Variants in DCT observed in about 807,000 individuals in gnomAD.
DCT encodes the protein L-dopachrome tautomerase.
In DCT, 47 loss-of-function variants were observed where a neutral mutation model predicts 53.0. The ratio of observed to expected loss-of-function variants is 0.89; its 90% CI spans 0.70 to 1.13. DCT has a LOEUF of 1.13. DCT is among the 50% of genes most tolerant of loss of function. DCT has a pLI of 0.00. For synonymous variants in DCT, 244 were observed against 237.0 expected (o/e 1.03, Z -0.27); for missense variants, 669 against 637.4 (o/e 1.05, Z -0.53).
chr13:94,493,933 G>T, the DCT span, among the ~76,000 whole-genome samples: 1 of 152,214 alleles, frequency 6.6e-6, no homozygotes, highest in East Asian at 1.9e-4. Flanking sequence ...AAACAGTGGG[G>T]CAGTAAGAGG....
intron 6 of DCT, among the ~76,000 whole-genome samples, chr13:94,454,152 T>G (rs1883267537): frequency 6.6e-6 from 1 of 152,216 alleles, no homozygotes; most frequent in Non-Finnish European, 1.5e-5. Context: ...TATACACTGA[T>G]TAGTAATAAG....
At chr13:94,454,066 G>GTA (rs1440390793) in intron 6 of DCT, among the ~76,000 whole-genome samples, 5 of 152,134 alleles carry the variant, frequency 3.3e-5, no homozygotes, top group Admixed American at 6.5e-5. Context: ...TTAATTTATG[G>GTA]TAGTCCATCA....
At chr13:94,523,098 G>C in the DCT span, among the ~76,000 whole-genome samples, 1 of 152,162 alleles carries the variant, frequency 6.6e-6, no homozygotes, top group Non-Finnish European at 1.5e-5. Context: ...CAAGAATGTC[G>C]CAGTTTCTAC....
At chr13:94,495,485 G>T in the DCT span, among the ~76,000 whole-genome samples, 1 of 152,084 alleles carries the variant, frequency 6.6e-6, no homozygotes, top group African/African-American at 2.4e-5. Context: ...AAAGCAGAGC[G>T]CCCAAGACAT....
intron 4 of DCT, among the ~76,000 whole-genome samples, chr13:94,462,985 T>C (rs1309718940): frequency 6.6e-6 from 1 of 152,178 alleles, no homozygotes; most frequent in East Asian, 1.9e-4. Context: ...AAACACTGTG[T>C]TGGAAAATGT....
At chr13:94,520,908 G>A in the DCT span, among the ~76,000 whole-genome samples, 4 of 152,168 alleles carry the variant, frequency 2.6e-5, no homozygotes, top group African/African-American at 4.8e-5. Context: ...AGAATTATCC[G>A]TATCCATTTA....
At chr13:94,502,211 G>A in the DCT span, among the ~76,000 whole-genome samples, 662 of 87,056 alleles carry the variant, frequency 7.6e-3, 92 homozygotes, top group African/African-American at 0.039. Flanking sequence ...CTCTGCTGAG[G>A]GTGCCTTCAC....
At chr13:94,522,862 T>G in the DCT span, among the ~76,000 whole-genome samples, 3 of 152,216 alleles carry the variant, frequency 2.0e-5, no homozygotes, top group Admixed American at 6.5e-5. Flanking sequence ...AACTCAGGCC[T>G]TCTGAATTGA....
chr13:94,548,006 T>TATATATATATATATATA, the DCT span, among the ~76,000 whole-genome samples: 1 of 139,766 alleles, frequency 7.2e-6, no homozygotes, highest in African/African-American at 2.9e-5. Context: ...TATATATATC[T>TATATATATATATATATA]TCTCTGGGTG....
chr13:94,478,009 A>G (rs1594328390), intron 1 of DCT, among the ~76,000 whole-genome samples: 1 of 152,170 alleles, frequency 6.6e-6, no homozygotes, highest in Non-Finnish European at 1.5e-5. Flanking sequence ...AGCTAGAGGA[A>G]TGAGAAATGC....
the DCT span, among the ~76,000 whole-genome samples, chr13:94,547,980 AAAAAATAT>A: frequency 3.3e-4 from 33 of 99,186 alleles, 1 homozygote; most frequent in African/African-American, 2.3e-3. Flanking sequence ...AAAAAAAAAA[AAAAAATAT>A]ATATATATAT....
At chr13:94,488,775 A>G in the DCT span, among the ~76,000 whole-genome samples, 3 of 151,334 alleles carry the variant, frequency 2.0e-5, no homozygotes, top group Non-Finnish European at 2.9e-5. Context: ...CACACGCCAT[A>G]TATATACATA....
At chr13:94,457,520 G>T (rs985515532) in intron 6 of DCT, among the ~76,000 whole-genome samples, 4 of 152,174 alleles carry the variant, frequency 2.6e-5, no homozygotes, top group African/African-American at 9.7e-5. Context: ...CCAATCTGTG[G>T]TCTTTCATTA....
At chr13:94,502,521 G>T in the DCT span, among the ~76,000 whole-genome samples, 1 of 152,114 alleles carries the variant, frequency 6.6e-6, no homozygotes, top group East Asian at 1.9e-4. Context: ...TTGCACCTGC[G>T]TTCAGTCATC....
chr13:94,468,556 C>T, intron 2 of DCT, 190 bp downstream of exon 2: 1 of 601,068 alleles, frequency 1.7e-6, no homozygotes, highest in East Asian at 2.8e-5. Flanking sequence ...GTGTCTGCAT[C>T]CAATGCACAG....
At chr13:94,514,750 A>G in the DCT span, among the ~76,000 whole-genome samples, 1 of 152,226 alleles carries the variant, frequency 6.6e-6, no homozygotes, top group African/African-American at 2.4e-5. Flanking sequence ...GTGGAGACCT[A>G]GCCTCGCATG....
At chr13:94,449,593 T>TA (rs1258202522) in intron 6 of DCT, among the ~76,000 whole-genome samples, 2 of 152,164 alleles carry the variant, frequency 1.3e-5, no homozygotes, top group Admixed American at 6.5e-5. Flanking sequence ...ACATGACAGA[T>TA]AAAAGCACAC....
the DCT span, among the ~76,000 whole-genome samples, chr13:94,496,495 G>T: frequency 6.6e-6 from 1 of 152,026 alleles, no homozygotes; most frequent in Non-Finnish European, 1.5e-5. Flanking sequence ...CACCCGGCCG[G>T]ATTCTGTCAT....
intron 1 of DCT, among the ~76,000 whole-genome samples, chr13:94,474,368 T>G (rs977410116): frequency 5.3e-5 from 8 of 152,202 alleles, no homozygotes; most frequent in African/African-American, 1.9e-4. Flanking sequence ...ATTAGTGAAT[T>G]TACAAGGAAC....
Sources: gnomAD v4.1 joint callset for allele counts (sites outside exome capture counted in the v4.1 genomes callset) on GRCh38, gnomAD v4.1.1 for gene constraint, MANE v1.5 for transcripts, NCBI Gene and HGNC (gene_info 2026-07-23, HGNC 2026-07-21) for gene names.